KCNIP4: variants seen among roughly 807,000 people sequenced by gnomAD.
KCNIP4 encodes potassium voltage-gated channel interacting protein 4.
KCNIP4 carries 12 observed loss-of-function variants against 34.0 expected under a neutral mutation model. That is an observed-to-expected ratio of 0.35 (90% confidence interval 0.23 to 0.57). The LOEUF (loss-of-function observed/expected upper bound fraction) is 0.57. Ranked by LOEUF, KCNIP4 falls within the 20% of genes least tolerant of loss-of-function variation. The pLI, the probability that KCNIP4 is intolerant of heterozygous loss-of-function variation, is 0.83. For missense variants in KCNIP4, 238 were observed against 311.7 expected (o/e 0.76, Z 1.78); for synonymous variants, 124 against 102.2 (o/e 1.21, Z -1.29).
intron 1 of KCNIP4, among the ~76,000 whole-genome samples, chr4:21,561,743 G>A (rs1739501014): frequency 6.6e-6 from 1 of 152,016 alleles, no homozygotes; most frequent in Admixed American, 6.6e-5. Flanking sequence ...GGTAATTGAG[G>A]ATTTACCTAG....
chr4:21,482,837 T>C (rs1731555066), intron 1 of KCNIP4, among the ~76,000 whole-genome samples: 1 of 152,048 alleles, frequency 6.6e-6, no homozygotes, highest in African/African-American at 2.4e-5. Flanking sequence ...CCTCTATATT[T>C]CCTGAATTTG....
At chr4:20,993,234 T>C (rs190585921) in intron 1 of KCNIP4, among the ~76,000 whole-genome samples, 1 of 152,002 alleles carries the variant, frequency 6.6e-6, no homozygotes, top group East Asian at 1.9e-4. Flanking sequence ...TATGAAGATG[T>C]CTATATAATA....
intron 1 of KCNIP4, among the ~76,000 whole-genome samples, chr4:20,982,912 G>A (rs1248123012): frequency 6.6e-6 from 1 of 152,192 alleles, no homozygotes. Context: ...AGAAATATTA[G>A]CAAGTATCTC....
At chr4:20,838,735 C>T (rs1170557874) in intron 3 of KCNIP4, among the ~76,000 whole-genome samples, 2 of 152,284 alleles carry the variant, frequency 1.3e-5, no homozygotes, top group East Asian at 1.9e-4. Flanking sequence ...CGCTGAATGA[C>T]ATCCTGCTAG....
Position 21,721,847 on chromosome 4 carries a change from AATC to A in KCNIP4, c.61+226721_61+226723del, listed in dbSNP as rs554559560. ...TCTCCATAATAATACACCAACATAA[AATC>A]ATCCTCATGGCTACATTAAAGTTAA... On this transcript the variant is annotated intron_variant, in intron 1 of 8. Transcript: ENST00000382152. Among the ~76,000 whole-genome samples, 11 of 150,056 alleles carry A rather than the reference AATC, an allele frequency of 7.3e-5. No homozygotes were observed. The South Asian group carries it at 2.3e-3, about 31-fold the overall frequency.
intron 1 of KCNIP4, among the ~76,000 whole-genome samples, chr4:21,109,523 G>A (rs889197632): frequency 6.6e-6 from 1 of 152,186 alleles, no homozygotes; most frequent in Non-Finnish European, 1.5e-5. Context: ...CTTTGACTAG[G>A]AAAGGGAATT....
chr4:21,446,847 G>A (rs1728055037), intron 1 of KCNIP4, among the ~76,000 whole-genome samples: 1 of 151,980 alleles, frequency 6.6e-6, no homozygotes, highest in African/African-American at 2.4e-5. Flanking sequence ...ATGTTATTGG[G>A]TATATTAATA....
At chr4:21,226,829 T>C (rs1758442146) in intron 1 of KCNIP4, among the ~76,000 whole-genome samples, 3 of 152,140 alleles carry the variant, frequency 2.0e-5, no homozygotes, top group Admixed American at 2.0e-4. Flanking sequence ...TTAATTCAAC[T>C]TGATGTGAAA....
intron 1 of KCNIP4, among the ~76,000 whole-genome samples, chr4:21,785,984 C>T (rs1219752789): frequency 6.6e-6 from 1 of 152,144 alleles, no homozygotes; most frequent in Non-Finnish European, 1.5e-5. Flanking sequence ...CTCACTCTGT[C>T]GCCAGGCTGG....
chr4:20,848,597 C>G (rs368730866), intron 3 of KCNIP4, among the ~76,000 whole-genome samples: 2 of 152,044 alleles, frequency 1.3e-5, no homozygotes, highest in Admixed American at 6.6e-5. Context: ...GATGCTGGCT[C>G]CAAAGATTAA....
chr4:21,392,102 A>T (rs1722609844), intron 1 of KCNIP4, among the ~76,000 whole-genome samples: 2 of 152,194 alleles, frequency 1.3e-5, no homozygotes, highest in Non-Finnish European at 2.9e-5. Flanking sequence ...ATCTTGCAGG[A>T]GATAGACTCT....
intron 1 of KCNIP4, among the ~76,000 whole-genome samples, chr4:21,761,606 A>G (rs1169755650): frequency 1.4e-5 from 2 of 144,654 alleles, no homozygotes; most frequent in Non-Finnish European, 3.0e-5. Flanking sequence ...ATATAATATT[A>G]ACATAAATTT....
At chr4:21,187,325 G>C (rs556453152) in intron 1 of KCNIP4, among the ~76,000 whole-genome samples, 1 of 152,244 alleles carries the variant, frequency 6.6e-6, no homozygotes, top group South Asian at 2.1e-4. Context: ...TGTGACTGCA[G>C]AGTGGAAATA....
At chr4:21,931,134 C>T (rs1230078641) in intron 1 of KCNIP4, among the ~76,000 whole-genome samples, 1 of 151,980 alleles carries the variant, frequency 6.6e-6, no homozygotes, top group Non-Finnish European at 1.5e-5. Context: ...TTTTGCATGT[C>T]ATTATAGAAC....
intron 1 of KCNIP4, among the ~76,000 whole-genome samples, chr4:21,864,294 A>T (rs1725285027): frequency 6.6e-6 from 1 of 152,246 alleles, no homozygotes; most frequent in South Asian, 2.1e-4. Flanking sequence ...CAAGGGAAAC[A>T]CAATAGGTAA....
At chr4:21,008,960 C>G (rs1738820116) in intron 1 of KCNIP4, among the ~76,000 whole-genome samples, 1 of 152,108 alleles carries the variant, frequency 6.6e-6, no homozygotes, top group Admixed American at 6.6e-5. Context: ...AATTCAGGAT[C>G]ACAGGATTTC....
At chr4:20,944,271 T>C (rs1244703787) in intron 1 of KCNIP4, among the ~76,000 whole-genome samples, 1 of 152,168 alleles carries the variant, frequency 6.6e-6, no homozygotes, top group Non-Finnish European at 1.5e-5. Flanking sequence ...AGCAGTTTCA[T>C]GTCTATGCTG....
intron 1 of KCNIP4, among the ~76,000 whole-genome samples, chr4:21,317,395 G>A (rs1199117397): frequency 2.0e-5 from 3 of 151,810 alleles, no homozygotes; most frequent in African/African-American, 7.3e-5. Context: ...TTCTCCATGG[G>A]TCTCCTTATT....
chr4:21,036,727 AAAAC>A (rs968144650), intron 1 of KCNIP4, among the ~76,000 whole-genome samples: 2 of 152,222 alleles, frequency 1.3e-5, no homozygotes, highest in Admixed American at 6.5e-5. Context: ...TCCGTCTCAA[AAAAC>A]AAACAAACAA....
Sources: gnomAD v4.1 joint callset for allele counts (sites outside exome capture counted in the v4.1 genomes callset) on GRCh38, gnomAD v4.1.1 for gene constraint, MANE v1.5 for transcripts, NCBI Gene and HGNC (gene_info 2026-07-23, HGNC 2026-07-21) for gene names.